Variants in PTCHD4 observed in about 807,000 individuals in gnomAD.
PTCHD4 encodes patched domain-containing protein 4.
Under a neutral mutation model 58.1 loss-of-function variants are expected in PTCHD4, and 33 were observed. That is an observed-to-expected ratio of 0.57 (90% CI 0.43 to 0.76). The LOEUF is 0.76. Among genes scored for constraint, PTCHD4 ranks in the 30% least tolerant of loss-of-function variants. The pLI is 0.00. For missense variants in PTCHD4, 1,058 were observed against 1,027.1 expected (o/e 1.03, Z -0.41); for synonymous variants, 478 against 409.6 (o/e 1.17, Z -2.02).
Position 47,945,910 on chromosome 6 carries a change from A to T in PTCHD4, c.898+62724T>A, listed in dbSNP as rs778274144. Among the ~76,000 whole-genome samples, 209 of 151,854 alleles carry T rather than the reference A, an allele frequency of 1.4e-3. 1 individual carries two copies. Among genetic ancestry groups the T allele is most frequent in the Non-Finnish European group, 1.2e-3 (83 of 67,832 alleles). Reference sequence around the variant, plus strand: ...TATTACCAATTTAGCTTCATTGTTCATGTTTTCTTAAGTAGTATTTTGTTA... The same window carrying T: ...TATTACCAATTTAGCTTCATTGTTCTTGTTTTCTTAAGTAGTATTTTGTTA... On this transcript the variant is annotated intron_variant, in intron 4 of 4. Transcript: ENST00000339488.
rs1763344775 is a variant in PTCHD4 at position 47,858,301 on chromosome 6, C to T, written c.*20002G>A. 6.6e-6 allele frequency among the ~76,000 whole-genome samples: 1 copy of T among 151,828 alleles called. No individual in the cohort carries two copies. The highest frequency in any genetic ancestry group is 1.5e-5 in the Non-Finnish European group (1 of 67,930). On this transcript the variant is annotated 3_prime_UTR_variant, in exon 5 of 5. Transcript: ENST00000339488. ...TTGAGTTTATCATATTCACCTTACTCCATTAATAAATTTCTTCTGTAGAAC... is the reference window on the plus strand; with the variant it reads ...TTGAGTTTATCATATTCACCTTACTTCATTAATAAATTTCTTCTGTAGAAC...
At chr6:48,011,852 T>A (rs998841667) in intron 3 of PTCHD4, among the ~76,000 whole-genome samples, 1 of 152,224 alleles carries the variant, frequency 6.6e-6, no homozygotes, top group Non-Finnish European at 1.5e-5. Flanking sequence ...TTGCTTGTTT[T>A]TGTCAGGTTT....
In PTCHD4 at chr6:48,012,390, T is replaced by C. The variant is rs147045935; in HGVS notation, c.418-3276A>G. On this transcript the variant is annotated intron_variant, in intron 3 of 4. Coordinates refer to ENST00000339488, the MANE Select transcript of PTCHD4 (RefSeq NM_001384253.1). ...TCTCTGTTTGTCTATTATTGGTGTA[T>C]AGGAATGCTTGTGATTTTTTGCACA... Among the ~76,000 whole-genome samples, 159 of 152,320 alleles carry C rather than the reference T, an allele frequency of 1.0e-3. 1 individual carries two copies. Among genetic ancestry groups the C allele is most frequent in the African/African-American group, 3.6e-3 (149 of 41,580 alleles).
chr6:48,039,188 C>T (rs907651467), intron 3 of PTCHD4, among the ~76,000 whole-genome samples: 1 of 151,944 alleles, frequency 6.6e-6, no homozygotes, highest in Non-Finnish European at 1.5e-5. Context: ...GTGAAATTAC[C>T]CCTCAATGAA....
At chr6:48,022,860 T>G (rs913882812) in intron 3 of PTCHD4, among the ~76,000 whole-genome samples, 6 of 152,264 alleles carry the variant, frequency 3.9e-5, no homozygotes, top group Non-Finnish European at 7.4e-5. Flanking sequence ...TACAAAAGAT[T>G]AACCAAAAAT....
At chr6:47,984,327 G>A (rs548824582) in intron 4 of PTCHD4, among the ~76,000 whole-genome samples, 3 of 152,090 alleles carry the variant, frequency 2.0e-5, no homozygotes, top group Non-Finnish European at 4.4e-5. Context: ...AGAAGGGGAA[G>A]CAGGCACATC....
At chr6:48,093,139 A>G (rs140542635) in intron 1 of PTCHD4, among the ~76,000 whole-genome samples, 1 of 152,176 alleles carries the variant, frequency 6.6e-6, no homozygotes, top group Non-Finnish European at 1.5e-5. Context: ...GTCTTAAATT[A>G]TTTTAAAAGC....
At chr6:47,896,573 G>A (rs2114137039) in intron 4 of PTCHD4, among the ~76,000 whole-genome samples, 1 of 152,298 alleles carries the variant, frequency 6.6e-6, no homozygotes. Flanking sequence ...AATCTTCCAT[G>A]AAAATGTAAA....
At chr6:48,009,971 G>A (rs76820954) in intron 3 of PTCHD4, among the ~76,000 whole-genome samples, 9,186 of 152,218 alleles carry the variant, frequency 0.06, 380 homozygotes, top group African/African-American at 0.11. Flanking sequence ...GTATGTGGCC[G>A]AAGAGTTACT....
rs1369809825 is a variant in PTCHD4 at position 47,877,217 on chromosome 6, T to C, written c.*1086A>G. On this transcript the variant is annotated 3_prime_UTR_variant, in exon 5 of 5. Transcript: ENST00000339488. ...CTAGTTATGTCTCCTTTCTCCTATG[T>C]TAATTATCTATATTCCATGACAGTT... 1.3e-5 allele frequency among the ~76,000 whole-genome samples: 2 copies of C among 152,070 alleles called. No homozygotes were observed. The highest frequency in any genetic ancestry group is 4.8e-5 in the African/African-American group (2 of 41,436).
rs1270290489 is a variant in PTCHD4 at position 47,874,731 on chromosome 6, C to T, written c.*3572G>A. 8.3e-6 allele frequency among the ~76,000 whole-genome samples: 1 copy of T among 120,340 alleles called. No homozygotes were observed. The highest frequency in any genetic ancestry group is 1.8e-5 in the Non-Finnish European group (1 of 55,454). The allele number at this position is 120,340 out of a possible 152,430, so 78.9% of individuals were successfully genotyped here. On this transcript the variant is annotated 3_prime_UTR_variant, in exon 5 of 5. Coordinates refer to ENST00000339488, the MANE Select transcript of PTCHD4 (RefSeq NM_001384253.1). ...TAAATGGGAATCAAATAGGAAAGGG[C>T]CACTTACATGATACAACAACAGAGG...
intron 4 of PTCHD4, among the ~76,000 whole-genome samples, chr6:47,915,559 A>C (rs998739796): frequency 1.5e-5 from 2 of 136,400 alleles, no homozygotes; most frequent in Admixed American, 1.7e-4. Context: ...ACTCATAGAA[A>C]ATAGAAGACA....
In PTCHD4 at chr6:48,051,898, G is replaced by C. The variant is rs145447892; in HGVS notation, c.417+16332C>G. Among the ~76,000 whole-genome samples, 125 of 152,078 alleles carry C rather than the reference G, an allele frequency of 8.2e-4. 5 individuals carry two copies. The highest frequency in any genetic ancestry group is 2.9e-3 in the African/African-American group (122 of 41,522). On this transcript the variant is annotated intron_variant, in intron 3 of 4. Transcript: ENST00000339488. ...TGTAACAACAATTCTGAATTATTTA[G>C]AACTCTAGATCATTTTGGACTAACT...
intron 3 of PTCHD4, among the ~76,000 whole-genome samples, chr6:48,042,886 C>T (rs1275969295): frequency 6.6e-6 from 1 of 151,920 alleles, no homozygotes; most frequent in East Asian, 1.9e-4. Flanking sequence ...CCTGACTTCT[C>T]CCATTGCCTT....
intron 4 of PTCHD4, among the ~76,000 whole-genome samples, chr6:47,921,490 A>G (rs1459600717): frequency 1.3e-5 from 2 of 152,304 alleles, no homozygotes; most frequent in South Asian, 2.1e-4. Flanking sequence ...TTGAAATAAG[A>G]CAATATTTCT....
At chr6:47,996,196 G>A (rs899768980) in intron 4 of PTCHD4, among the ~76,000 whole-genome samples, 2 of 152,124 alleles carry the variant, frequency 1.3e-5, no homozygotes, top group Admixed American at 6.5e-5. Context: ...GGCTGGGCGC[G>A]GTGGCTCATG....
intron 4 of PTCHD4, among the ~76,000 whole-genome samples, chr6:47,884,696 C>T (rs1764128518): frequency 6.6e-6 from 1 of 152,204 alleles, no homozygotes; most frequent in Non-Finnish European, 1.5e-5. Flanking sequence ...AGAACAACTC[C>T]ATTCAAGTTC....
At position 48,044,429 on chromosome 6, in the gene PTCHD4, G is replaced by A. The variant is rs926955557; in HGVS notation, c.417+23801C>T. ...TTGTAGATGCAACATTTTGAAGACA[G>A]AAAGAAAACAGATTTACAGCGCAAA... On this transcript the variant is annotated intron_variant, in intron 3 of 4. Coordinates refer to ENST00000339488, the MANE Select transcript of PTCHD4 (RefSeq NM_001384253.1). Among the ~76,000 whole-genome samples, 8 of 151,886 alleles carry A rather than the reference G, an allele frequency of 5.3e-5. 1 individual carries two copies. The highest frequency in any genetic ancestry group is 3.9e-4 in the Admixed American group (6 of 15,198).
At chr6:48,039,500 T>C (rs921218621) in intron 3 of PTCHD4, among the ~76,000 whole-genome samples, 1 of 152,096 alleles carries the variant, frequency 6.6e-6, no homozygotes, top group Non-Finnish European at 1.5e-5. Context: ...ACTGAGCTAC[T>C]GGCAGTGATT....
Sources: allele counts gnomAD v4.1 joint callset (sites outside exome capture counted in the v4.1 genomes callset), GRCh38; gene constraint gnomAD v4.1.1; transcripts MANE v1.5; gene names NCBI Gene and HGNC (gene_info 2026-07-23, HGNC 2026-07-21).